Variants in PIK3AP1 observed in about 807,000 individuals in gnomAD.
The protein encoded by PIK3AP1 is phosphoinositide-3-kinase adaptor protein 1.
In PIK3AP1, 21 loss-of-function variants were observed where a neutral mutation model predicts 88.1. That is an observed-to-expected ratio of 0.24 (90% confidence interval 0.17 to 0.34). The LOEUF (loss-of-function observed/expected upper bound fraction) is 0.34. Ranked by LOEUF, PIK3AP1 falls within the 10% of genes least tolerant of loss-of-function variation. The pLI is 1.00. For missense variants in PIK3AP1, 828 were observed against 1,035.7 expected (o/e 0.80, Z 2.75); for synonymous variants, 398 against 400.0 (o/e 1.00, Z 0.06).
At position 96,609,620 on chromosome 10, in the gene PIK3AP1, C is replaced by T. The variant is rs570075231; in HGVS notation, c.2170+92G>A. 6 of 1,441,290 alleles carry T rather than the reference C, an allele frequency of 4.2e-6. No homozygotes were observed. In the Admixed American group the frequency reaches 8.9e-5, roughly 21 times the overall value. 89.3% of individuals were successfully genotyped at this position (1,441,290 alleles called of 1,614,324 possible). A position where few individuals can be genotyped will look rare whatever the true frequency, so the allele number is the denominator to read the frequency against. ...CCAAACCAGGCCCCACTGGAGATCT[C>T]CTGGGCTCTTAAGAGGATGTTTCCT... is the stretch of plus-strand genomic sequence containing the variant. On this transcript the variant is annotated intron_variant, in intron 14 of 16. Transcript: ENST00000339364.
chr10:96,677,371 T>A (rs755944111), intron 2 of PIK3AP1, among the ~76,000 whole-genome samples: 1 of 152,150 alleles, frequency 6.6e-6, no homozygotes, highest in Non-Finnish European at 1.5e-5. Context: ...AACTTGGGCG[T>A]TCTCACACTC....
chr10:96,604,075 G>A (rs541156214), intron 14 of PIK3AP1, 26 bp from the exon 15 acceptor site: 49 of 1,507,072 alleles, frequency 3.3e-5, no homozygotes, highest in South Asian at 1.8e-4. Context: ...AAAATCAGCC[G>A]GATTGAGGAT....
In PIK3AP1 at chr10:96,648,733, G is replaced by T. The variant is rs764406248; in HGVS notation, c.1111C>A (p.His371Asn). 2 of 1,610,936 alleles carry T rather than the reference G, an allele frequency of 1.2e-6. No homozygotes were observed. The highest frequency in any genetic ancestry group is 3.4e-5 in the Admixed American group (2 of 59,336). ...GCGATGGTGTTGGGGTAGTGGCCAT[G>T]CTTGTTGGCCACGCTGTACGCCTGC... is the stretch of plus-strand genomic sequence containing the variant. ...ALQAYSVANK[H>N]GHYPNTIAEK... The change falls in exon 7 of 17, where the codon CAT becomes AAT. Residue 371 changes from histidine to asparagine, a missense_variant. This residue lies in a region of PIK3AP1 where 610 missense variants were observed against 760.1 expected (regional missense o/e 0.80). Coordinates refer to ENST00000339364, the MANE Select transcript of PIK3AP1 (RefSeq NM_152309.3).
At chr10:96,622,038 T>C (rs1843091242) in intron 11 of PIK3AP1, among the ~76,000 whole-genome samples, 1 of 152,242 alleles carries the variant, frequency 6.6e-6, no homozygotes, top group Admixed American at 6.5e-5. Context: ...TTAGCCAGGA[T>C]GCTTCTCTTA....
At chr10:96,718,675 G>A (rs1245983834) in intron 1 of PIK3AP1, among the ~76,000 whole-genome samples, 1 of 152,160 alleles carries the variant, frequency 6.6e-6, no homozygotes, top group Non-Finnish European at 1.5e-5. Flanking sequence ...GTGTCCACTG[G>A]AGAGAGGTAC....
At chr10:96,620,250 G>A in intron 12 of PIK3AP1, 102 bp downstream of exon 12, 2 of 1,200,212 alleles carry the variant, frequency 1.7e-6, no homozygotes, top group East Asian at 2.4e-5. Flanking sequence ...CACAGCCACA[G>A]GTGTCCAGGT....
chr10:96,612,110 G>C (rs956584515), intron 13 of PIK3AP1, among the ~76,000 whole-genome samples: 2 of 152,192 alleles, frequency 1.3e-5, no homozygotes, highest in African/African-American at 4.8e-5. Context: ...GGCACAGAGT[G>C]GTTAAAGGAA....
chr10:96,710,213 A>ATTATTTAT (rs10636821), intron 1 of PIK3AP1, among the ~76,000 whole-genome samples: 5,044 of 149,918 alleles, frequency 0.034, 229 homozygotes, highest in African/African-American at 0.1. Context: ...ACGCTGTTTT[A>ATTATTTAT]TTATTTATTT....
chr10:96,647,566 T>C (rs1843476868), intron 7 of PIK3AP1, among the ~76,000 whole-genome samples: 1 of 152,208 alleles, frequency 6.6e-6, no homozygotes, highest in Non-Finnish European at 1.5e-5. Context: ...TTTAGACTTA[T>C]TTGTGTCAGT....
intron 2 of PIK3AP1, among the ~76,000 whole-genome samples, chr10:96,690,081 C>A (rs1027214034): frequency 2.0e-5 from 3 of 152,214 alleles, no homozygotes; most frequent in African/African-American, 7.2e-5. Flanking sequence ...CTTATTTCCG[C>A]ATAAAAGTCC....
chr10:96,621,274 G>A (rs138985061), intron 11 of PIK3AP1: 105 of 154,526 alleles, frequency 6.8e-4, no homozygotes, highest in Non-Finnish European at 8.6e-4. Context: ...ATGATGGCCC[G>A]TTGGATGGTA....
intron 16 of PIK3AP1, among the ~76,000 whole-genome samples, chr10:96,600,647 G>A (rs1310677357): frequency 1.3e-5 from 2 of 152,184 alleles, no homozygotes; most frequent in East Asian, 3.9e-4. Context: ...AAGATCCTTA[G>A]CACAGAGCCA....
intron 14 of PIK3AP1, among the ~76,000 whole-genome samples, chr10:96,606,527 T>C (rs939549124): frequency 2.6e-5 from 4 of 152,276 alleles, no homozygotes; most frequent in African/African-American, 9.6e-5. Flanking sequence ...GCTCTGAACC[T>C]TGGCCCTGGC....
chr10:96,595,397 T>C lies in PIK3AP1; in HGVS notation c.*180A>G. The stretch of plus-strand genomic sequence containing the variant: ...AATGAAGCCCTTAGTTTTTCACTTC[T>C]TCGTGCCTTAATAAAATCTTCGAGG... On this transcript the variant is annotated 3_prime_UTR_variant, in exon 17 of 17. Coordinates refer to ENST00000339364, the MANE Select transcript of PIK3AP1 (RefSeq NM_152309.3). 1 of 636,686 alleles carries C rather than the reference T, an allele frequency of 1.6e-6. No individual in the cohort carries two copies. The highest frequency in any genetic ancestry group is 2.8e-6 in the Non-Finnish European group (1 of 363,244). The allele number at this position is 636,686 out of a possible 1,614,324, so 39.4% of individuals were successfully genotyped here.
chr10:96,603,590 A>C (rs559528627), intron 15 of PIK3AP1: 1 of 154,002 alleles, frequency 6.5e-6, no homozygotes, highest in South Asian at 2.0e-4. Context: ...AGTTTTGGGG[A>C]CTCAGACTGG....
intron 8 of PIK3AP1, among the ~76,000 whole-genome samples, chr10:96,637,788 A>G (rs1033060153): frequency 1.3e-5 from 2 of 152,258 alleles, no homozygotes; most frequent in Admixed American, 1.3e-4. Flanking sequence ...TGAGGGCCCT[A>G]ATAGAGCAAA....
chr10:96,598,122 C>T (rs1452983945), intron 16 of PIK3AP1, among the ~76,000 whole-genome samples: 2 of 147,466 alleles, frequency 1.4e-5, no homozygotes, highest in Non-Finnish European at 3.0e-5. Context: ...CAGCTTACTA[C>T]AGCCTCAAAC....
chr10:96,694,567 T>G (rs1374455775), intron 2 of PIK3AP1, among the ~76,000 whole-genome samples: 1 of 137,396 alleles, frequency 7.3e-6, no homozygotes, highest in African/African-American at 2.7e-5. Flanking sequence ...AGGGTCTCCC[T>G]CTGTTGCCTA....
chr10:96,669,391 G>T (rs6584098), intron 2 of PIK3AP1: 1 of 152,000 alleles, frequency 6.6e-6, no homozygotes, highest in African/African-American at 2.4e-5. Flanking sequence ...CATCTGCCAC[G>T]TTCTAGCACT....
Sources: allele counts gnomAD v4.1 joint callset (sites outside exome capture counted in the v4.1 genomes callset), GRCh38; gene constraint gnomAD v4.1.1; regional missense constraint gnomAD v4.1.1; transcripts MANE v1.5; gene names NCBI Gene and HGNC (gene_info 2026-07-23, HGNC 2026-07-21).